The following TAX1BP3 variants were observed in gnomAD, a reference collection of about 807,000 sequenced individuals.
TAX1BP3 encodes Tax1 binding protein 3, also known as tax1-binding protein 3.
In TAX1BP3, 13 loss-of-function variants were observed where a neutral mutation model predicts 15.3. The observed-to-expected ratio is 0.85, with a 90% confidence interval of 0.55 to 1.35. The LOEUF is 1.35. Ranked by LOEUF, TAX1BP3 falls within the 40% of genes most tolerant of loss-of-function variation. TAX1BP3 has a pLI of 0.00. For synonymous variants in TAX1BP3, 70 were observed against 66.0 expected (o/e 1.06, Z -0.30); for missense variants, 147 against 169.6 (o/e 0.87, Z 0.74).
At chr17:3,664,163 C>G (rs1457892780) in intron 3 of TAX1BP3, 32 bp downstream of exon 3, 4 of 1,613,614 alleles carry the variant, frequency 2.5e-6, no homozygotes, top group South Asian at 2.2e-5. Context: ...CTTGCCCAAA[C>G]CTTGTTTCTC....
At position 3,664,213 on chromosome 17, in the gene TAX1BP3, A is replaced by G. The variant is rs751570313; in HGVS notation, c.219T>C (p.Ile73=). Residue 73 remains isoleucine (I), a synonymous_variant, in exon 3 of 4, where the codon ATT becomes ATC. Coordinates refer to ENST00000225525, the MANE Select transcript of TAX1BP3 (RefSeq NM_014604.4). The part of the protein sequence containing the change: ...GGPAEIAGLQ[I]GDKIMQVNGW... ...CTGTTACCTGCATGATCTTGTCTCC[A>G]ATCTGCAGCCCAGCGATTTCAGCAG... The G allele has an allele frequency of 6.2e-7, 1 of 1,614,062 alleles. No individual in the cohort carries two copies. The highest frequency in any genetic ancestry group is 2.2e-5 in the East Asian group (1 of 44,872).
chr17:3,666,071 C>T (rs935506315), intron 1 of TAX1BP3, among the ~76,000 whole-genome samples: 5 of 152,240 alleles, frequency 3.3e-5, no homozygotes, highest in South Asian at 2.1e-4. Flanking sequence ...CCTTGGCAAG[C>T]GCCGTCCAGT....
At chr17:3,665,737 G>C in intron 1 of TAX1BP3, 1 of 334,688 alleles carries the variant, frequency 3.0e-6, no homozygotes, top group Non-Finnish European at 5.4e-6. Flanking sequence ...AGGATCTCTG[G>C]GCTCCAAAAA....
chr17:3,665,057 T>G (rs1208927152), intron 1 of TAX1BP3, among the ~76,000 whole-genome samples: 1 of 152,202 alleles, frequency 6.6e-6, no homozygotes, highest in Non-Finnish European at 1.5e-5. Context: ...CAACATGTGG[T>G]GGAAGCCCCT....
chr17:3,666,447 A>G (rs1400646556), intron 1 of TAX1BP3, among the ~76,000 whole-genome samples: 1 of 152,156 alleles, frequency 6.6e-6, no homozygotes, highest in Non-Finnish European at 1.5e-5. Context: ...AGTCAAGAGG[A>G]GCACCCAGCC....
At position 3,664,662 on chromosome 17, in the gene TAX1BP3, A is replaced by G; in HGVS notation, c.159+17T>C. The G allele has an allele frequency of 6.2e-7, 1 of 1,613,414 alleles. No individual in the cohort carries two copies. The highest frequency in any genetic ancestry group is 8.5e-7 in the Non-Finnish European group (1 of 1,179,852). On this transcript the variant is annotated intron_variant, in intron 2 of 3. Coordinates refer to ENST00000225525, the MANE Select transcript of TAX1BP3 (RefSeq NM_014604.4). ...CTGTGCCCCATGGAGCGGTCCCAGG[A>G]CCCCAGACCCCCTCACCTTGTCCGT... is the stretch of plus-strand genomic sequence containing the variant.
Position 3,668,368 on chromosome 17 carries a change from G to T in TAX1BP3, c.39+120C>A. On this transcript the variant is annotated intron_variant, in intron 1 of 3. Coordinates refer to ENST00000225525, the MANE Select transcript of TAX1BP3 (RefSeq NM_014604.4). The surrounding 1 kb of genome is among the most constrained non-coding windows in gnomAD (Gnocchi z 4.1). ...CGGCAAAGCGGGGACCCGAGCCCTT[G>T]CCGCCGGTTCGCAGGAGCCCCGGGT... is the stretch of plus-strand genomic sequence containing the variant. 1 of 1,327,386 alleles carries T rather than the reference G, an allele frequency of 7.5e-7. No homozygotes were observed. The highest frequency in any genetic ancestry group is 1.0e-6 in the Non-Finnish European group (1 of 985,964). The allele number at this position is 1,327,386 out of a possible 1,614,324, so 82.2% of individuals were successfully genotyped here.
At chr17:3,665,255 A>C (rs1267830795) in intron 1 of TAX1BP3, 1 of 1,386,742 alleles carries the variant, frequency 7.2e-7, no homozygotes, top group East Asian at 2.3e-5. Context: ...GAGGCACCGG[A>C]TATATGTTCT....
chr17:3,663,538 A>G lies in TAX1BP3; in HGVS notation c.*210T>C. The stretch of plus-strand genomic sequence containing the variant: ...ACTCAGCTCCAGGCCCTTATTTCCA[A>G]TCCTCGGTGTCCAGGAGAGAAAGCC... On this transcript the variant is annotated 3_prime_UTR_variant, in exon 4 of 4. Transcript: ENST00000225525. The G allele has an allele frequency of 1.6e-6, 1 of 636,700 alleles. No individual in the cohort carries two copies. Among genetic ancestry groups the G allele is most frequent in the Non-Finnish European group, 2.4e-6 (1 of 411,106 alleles). 39.4% of individuals were successfully genotyped at this position (636,700 alleles called of 1,614,324 possible). A position where few individuals can be genotyped will look rare whatever the true frequency, so the allele number is the denominator to read the frequency against.
intron 1 of TAX1BP3, among the ~76,000 whole-genome samples, chr17:3,666,656 C>A (rs2076341685): frequency 6.6e-6 from 1 of 152,078 alleles, no homozygotes. Flanking sequence ...GGGGAGTGAG[C>A]CTGCCCAAAC....
At chr17:3,667,340 C>CAAAAAA (rs761986087) in intron 1 of TAX1BP3, among the ~76,000 whole-genome samples, 1 of 61,162 alleles carries the variant, frequency 1.6e-5, no homozygotes, top group African/African-American at 5.8e-5. Context: ...AAGACTGTCT[C>CAAAAAA]AAAAAAAAAA....
intron 2 of TAX1BP3, 82 bp from the exon 3 acceptor site, chr17:3,664,354 C>A: frequency 6.6e-7 from 1 of 1,509,390 alleles, no homozygotes; most frequent in Non-Finnish European, 9.2e-7. Context: ...ATGGCACATT[C>A]TCAGCCGTCC....
intron 1 of TAX1BP3, among the ~76,000 whole-genome samples, chr17:3,665,909 C>T (rs1404995441): frequency 2.0e-5 from 3 of 152,200 alleles, no homozygotes; most frequent in East Asian, 1.9e-4. Context: ...GGCCAGATCC[C>T]GTCCTGGAAG....
intron 1 of TAX1BP3, chr17:3,665,086 G>C (rs1223481048): frequency 1.2e-5 from 8 of 691,320 alleles, no homozygotes; most frequent in South Asian, 4.8e-5. Flanking sequence ...AAGAGTCCAG[G>C]TGCTGTGGCT....
At position 3,663,566 on chromosome 17, in the gene TAX1BP3, T is replaced by G; in HGVS notation, c.*182A>C. 1 of 874,602 alleles carries G rather than the reference T, an allele frequency of 1.1e-6. No homozygotes were observed. Among genetic ancestry groups the G allele is most frequent in the Non-Finnish European group, 1.6e-6 (1 of 618,320 alleles). 54.2% of individuals were successfully genotyped at this position (874,602 alleles called of 1,614,324 possible). ...CTCGGTGTCCAGGAGAGAAAGCCGG[T>G]CCCAGAGGCCCCAGGCCAGGGATGG... On this transcript the variant is annotated 3_prime_UTR_variant, in exon 4 of 4. Coordinates refer to ENST00000225525, the MANE Select transcript of TAX1BP3 (RefSeq NM_014604.4).
At chr17:3,664,873 C>T (rs1019653408) in intron 1 of TAX1BP3, 75 bp from the exon 2 acceptor site, 21 of 1,560,764 alleles carry the variant, frequency 1.3e-5, no homozygotes, top group Non-Finnish European at 1.8e-5. Context: ...CAGCAGCAGC[C>T]TCAGAGCCAT....
chr17:3,668,387 C>T lies in TAX1BP3; in HGVS notation c.39+101G>A. 7.0e-7 allele frequency: 1 copy of T among 1,438,042 alleles called. No homozygotes were observed. Among genetic ancestry groups the T allele is most frequent in the Non-Finnish European group, 9.3e-7 (1 of 1,073,438 alleles). 89.1% of individuals were successfully genotyped at this position (1,438,042 alleles called of 1,614,324 possible). ...GCCCTTGCCGCCGGTTCGCAGGAGC[C>T]CCGGGTTCGATGCTCTGTCAACCTG... On this transcript the variant is annotated intron_variant, in intron 1 of 3. Coordinates refer to ENST00000225525, the MANE Select transcript of TAX1BP3 (RefSeq NM_014604.4). The surrounding 1 kb of genome is among the most constrained non-coding windows in gnomAD (Gnocchi z 4.1).
In TAX1BP3 at chr17:3,663,477, C is replaced by T. The variant is rs1263589785; in HGVS notation, c.*271G>A. 4 of 364,700 alleles carry T rather than the reference C, an allele frequency of 1.1e-5. No homozygotes were observed. The highest frequency in any genetic ancestry group is 1.5e-5 in the Non-Finnish European group (3 of 206,680). 22.6% of individuals were successfully genotyped at this position (364,700 alleles called of 1,614,324 possible). On this transcript the variant is annotated 3_prime_UTR_variant, in exon 4 of 4. Coordinates refer to ENST00000225525, the MANE Select transcript of TAX1BP3 (RefSeq NM_014604.4). ...CACTGCTGTGGCCAAGCAGCAGGGT[C>T]GGACCTGAGCCTGTGGTCACAGCAG... is the stretch of plus-strand genomic sequence containing the variant.
Position 3,668,271 on chromosome 17 carries a change from T to C in TAX1BP3, c.39+217A>G, listed in dbSNP as rs909659181. Reference sequence around the variant, plus strand: ...CGCCCTGCGCACGCAGTCTGGGCTCTGTCCAGGGTCTCGGGAGGCTCTCGG... The same window carrying C: ...CGCCCTGCGCACGCAGTCTGGGCTCCGTCCAGGGTCTCGGGAGGCTCTCGG... On this transcript the variant is annotated intron_variant, in intron 1 of 3. Transcript: ENST00000225525. This position sits in a 1 kb window ranked among gnomAD's most constrained non-coding sequence, Gnocchi z 4.1. 6.6e-6 allele frequency among the ~76,000 whole-genome samples: 1 copy of C among 152,168 alleles called. No homozygotes were observed. The highest frequency in any genetic ancestry group is 1.5e-5 in the Non-Finnish European group (1 of 68,010).
Sources: gnomAD v4.1 joint callset for allele counts (sites outside exome capture counted in the v4.1 genomes callset) on GRCh38, gnomAD v4.1.1 for gene constraint, Gnocchi (gnomAD v3.1) non-coding constraint, MANE v1.5 for transcripts, NCBI Gene and HGNC (gene_info 2026-07-23, HGNC 2026-07-21) for gene names.